Variants in ACSM2A observed in about 807,000 individuals in gnomAD.
ACSM2A encodes the protein acyl-coenzyme A synthetase ACSM2A, mitochondrial.
A neutral mutation model predicts 76.6 loss-of-function variants in ACSM2A; 72 were observed. The observed-to-expected ratio is 0.94, with a 90% CI of 0.78 to 1.14. ACSM2A has a LOEUF of 1.14. Ranked by LOEUF, ACSM2A falls within the 50% of genes most tolerant of loss-of-function variation. The probability of loss-of-function intolerance (pLI) is 0.00; values close to 1 mark genes in which losing one functional copy is unlikely to be tolerated. For missense variants in ACSM2A, 684 were observed against 708.5 expected, an observed-to-expected ratio of 0.97 and a Z score of 0.39; for synonymous variants, 249 against 255.9, an observed-to-expected ratio of 0.97 and a Z score of 0.26.
chr16:20,476,728 T>G (rs1279051964), intron 8 of ACSM2A: 19 of 1,016,468 alleles, frequency 1.9e-5, no homozygotes, highest in African/African-American at 3.4e-5. Context: ...GTGATATCTT[T>G]TGTCCAGGCT....
At chr16:20,486,305 G>A (rs2014380218) in intron 13 of ACSM2A, among the ~76,000 whole-genome samples, 1 of 152,242 alleles carries the variant, frequency 6.6e-6, no homozygotes, top group South Asian at 2.1e-4. Context: ...CTGATGTCAA[G>A]GCTCAGCTGG....
intron 5 of ACSM2A, among the ~76,000 whole-genome samples, 157 bp from the exon 6 acceptor site, chr16:20,471,379 C>T (rs562511669): frequency 2.6e-5 from 4 of 152,290 alleles, no homozygotes; most frequent in African/African-American, 7.2e-5. Flanking sequence ...TTTCTTCCCC[C>T]TTCCTACTTA....
chr16:20,458,890 T>C (rs963732554), intron 1 of ACSM2A, among the ~76,000 whole-genome samples: 17 of 124,248 alleles, frequency 1.4e-4, no homozygotes, highest in Non-Finnish European at 2.3e-4. Context: ...ACATAGTATA[T>C]ATTATATATA....
At chr16:20,458,368 A>G (rs1210239268) in intron 1 of ACSM2A, among the ~76,000 whole-genome samples, 1 of 147,254 alleles carries the variant, frequency 6.8e-6, no homozygotes, top group Non-Finnish European at 1.5e-5. Flanking sequence ...ATCTAGATAT[A>G]TATGTATTAT....
chr16:20,479,696 T>C (rs1205328317), intron 10 of ACSM2A, among the ~76,000 whole-genome samples: 1 of 152,222 alleles, frequency 6.6e-6, no homozygotes, highest in Non-Finnish European at 1.5e-5. Flanking sequence ...TATTCTCAAA[T>C]GCCAGTGAAG....
rs1166714730 is a variant in ACSM2A, at chr16:20,471,412, C to A, written c.741-124C>A. The stretch of plus-strand genomic sequence containing the variant: ...TTATACATAGACATATGCCTATAAA[C>A]CTGCAGGCAGATACACACACACCTC... On this transcript the variant is annotated intron_variant, in intron 5 of 13. Coordinates refer to ENST00000573854, the MANE Select transcript of ACSM2A (RefSeq NM_001308172.2). The A allele has an allele frequency of 2.7e-6, 4 of 1,494,476 alleles. No individual in the cohort carries two copies. The South Asian group carries it at 4.0e-5, about 15-fold the overall frequency. The allele number at this position is 1,494,476 out of a possible 1,614,324, so 92.6% of individuals were successfully genotyped here. A position where few individuals can be genotyped will look rare whatever the true frequency, so the allele number is the denominator to read the frequency against.
At chr16:20,456,839 A>C (rs1278090048) in intron 1 of ACSM2A, among the ~76,000 whole-genome samples, 1 of 151,342 alleles carries the variant, frequency 6.6e-6, no homozygotes. Flanking sequence ...AAAAAAATAC[A>C]AAAGATAAAT....
chr16:20,466,905 AT>A (rs2013034006), intron 3 of ACSM2A, among the ~76,000 whole-genome samples: 1 of 152,144 alleles, frequency 6.6e-6, no homozygotes, highest in Non-Finnish European at 1.5e-5. Flanking sequence ...CAAATTTGTT[AT>A]TTTTCTAAAG....
At chr16:20,464,458 A>G (rs2012843549) in intron 2 of ACSM2A, among the ~76,000 whole-genome samples, 1 of 152,152 alleles carries the variant, frequency 6.6e-6, no homozygotes, top group South Asian at 2.1e-4. Flanking sequence ...GCCTCAAGAA[A>G]TTTACAGTAA....
At chr16:20,483,792 A>T (rs1356616178) in intron 13 of ACSM2A, among the ~76,000 whole-genome samples, 8 of 151,920 alleles carry the variant, frequency 5.3e-5, no homozygotes, top group African/African-American at 7.3e-5. Flanking sequence ...TGCAACGCTC[A>T]GTTGCAAGTG....
chr16:20,465,316 A>G (rs1233478777), intron 2 of ACSM2A, among the ~76,000 whole-genome samples: 3 of 152,228 alleles, frequency 2.0e-5, no homozygotes, highest in Non-Finnish European at 4.4e-5. Flanking sequence ...TTCTGTTTTA[A>G]TATCTACTAT....
intron 1 of ACSM2A, among the ~76,000 whole-genome samples, chr16:20,454,280 G>T (rs989739261): frequency 6.6e-6 from 1 of 150,960 alleles, no homozygotes; most frequent in Admixed American, 6.6e-5. Context: ...TTGTGGGCTG[G>T]TTCCCCTGAT....
intron 1 of ACSM2A, among the ~76,000 whole-genome samples, chr16:20,458,888 T>C (rs1019804658): frequency 8.0e-6 from 1 of 125,622 alleles, no homozygotes; most frequent in Non-Finnish European, 1.6e-5. Context: ...ATACATAGTA[T>C]ATATTATATA....
At chr16:20,452,659 A>G (rs1050795742) in intron 1 of ACSM2A, among the ~76,000 whole-genome samples, 1 of 143,584 alleles carries the variant, frequency 7.0e-6, no homozygotes, top group African/African-American at 2.7e-5. Flanking sequence ...CCTGACTAAT[A>G]CAGATTTTGG....
In ACSM2A at chr16:20,460,224, A is replaced by C; in HGVS notation, c.110A>C (p.His37Pro). 1 of 1,613,524 alleles carries C rather than the reference A, an allele frequency of 6.2e-7. No homozygotes were observed. The highest frequency in any genetic ancestry group is 1.1e-5 in the South Asian group (1 of 91,052). Reference protein sequence around the residue: ...SRQLVSLQWGHQEVPAKFNFA... With the variant: ...SRQLVSLQWGPQEVPAKFNFA... ...CAACTGGTGTCCCTGCAGTGGGGCC[A>C]CCAGGAAGTGCCGGCCAAGTTTAAC... Residue 37 changes from histidine to proline, a missense_variant, in exon 2 of 14, where the codon CAC (histidine) becomes CCC (proline). By Grantham distance (77) the His-to-Pro change is moderately conservative. Transcript: ENST00000573854.
chr16:20,476,945 A>G (rs1302620569), intron 8 of ACSM2A: 2 of 170,240 alleles, frequency 1.2e-5, no homozygotes, highest in African/African-American at 2.4e-5. Context: ...GTATCAAAAC[A>G]TCTCATATAT....
chr16:20,455,263 G>A (rs1390591925), intron 1 of ACSM2A, among the ~76,000 whole-genome samples: 2 of 150,768 alleles, frequency 1.3e-5, no homozygotes, highest in Non-Finnish European at 3.0e-5. Flanking sequence ...CCTTGCTAAA[G>A]ACCTAGACAT....
At chr16:20,458,085 A>G (rs950632594) in intron 1 of ACSM2A, among the ~76,000 whole-genome samples, 6 of 151,760 alleles carry the variant, frequency 4.0e-5, no homozygotes, top group Admixed American at 2.0e-4. Flanking sequence ...AAAAAAAAAT[A>G]CTTAGGAATA....
chr16:20,470,710 C>A, intron 4 of ACSM2A: 1 of 453,030 alleles, frequency 2.2e-6, no homozygotes, highest in Admixed American at 2.4e-5. Context: ...TGCCAGAGCT[C>A]TTCACAACAA....
Sources: gnomAD v4.1 joint callset for allele counts (sites outside exome capture counted in the v4.1 genomes callset) on GRCh38, gnomAD v4.1.1 for gene constraint, MANE v1.5 for transcripts, NCBI Gene and HGNC (gene_info 2026-07-23, HGNC 2026-07-21) for gene names.